The following UTP11 variants were observed in gnomAD, a reference collection of about 807,000 sequenced individuals.
UTP11 encodes probable U3 small nucleolar RNA-associated protein 11.
Under a neutral mutation model 39.0 loss-of-function variants are expected in UTP11, and 29 were observed. That is an observed-to-expected ratio of 0.74 (90% CI 0.55 to 1.01). The LOEUF is 1.01. UTP11 is among the 50% of genes least tolerant of loss of function. The pLI, the probability that UTP11 is intolerant of heterozygous loss-of-function variation, is 0.00. For missense variants in UTP11, 281 were observed against 306.0 expected (o/e 0.92, Z 0.61); for synonymous variants, 111 against 105.0 (o/e 1.06, Z -0.35).
chr1:38,023,101 G>A (rs1402306517), intron 7 of UTP11, among the ~76,000 whole-genome samples: 1 of 152,168 alleles, frequency 6.6e-6, no homozygotes, highest in Non-Finnish European at 1.5e-5. Flanking sequence ...ATTTAAACAG[G>A]TTAACAAAAC....
At chr1:38,018,955 G>C in intron 4 of UTP11, 104 bp from the exon 5 acceptor site, 1 of 969,090 alleles carries the variant, frequency 1.0e-6, no homozygotes, top group Non-Finnish European at 1.5e-6. Context: ...TTCTTTGCTG[G>C]CTGGCAATAA....
intron 7 of UTP11, 38 bp downstream of exon 7, chr1:38,022,847 T>TTTC: frequency 7.8e-7 from 1 of 1,281,180 alleles, no homozygotes; most frequent in Non-Finnish European, 1.1e-6. Context: ...TTTTTTTTTT[T>TTTC]CCCCCTTTTC....
intron 2 of UTP11, 117 bp downstream of exon 2, chr1:38,016,537 C>A: frequency 1.9e-6 from 2 of 1,045,994 alleles, no homozygotes; most frequent in Non-Finnish European, 2.9e-6. Context: ...ATAAAATGGC[C>A]AAAGCTCTGG....
intron 1 of UTP11, 134 bp downstream of exon 1, chr1:38,012,999 C>T (rs2148735855): frequency 1.8e-6 from 2 of 1,097,830 alleles, no homozygotes; most frequent in Admixed American, 2.3e-5. Context: ...GTTAATGACG[C>T]TGGCGTGGCT....
At chr1:38,013,076 C>A (rs1176813779) in intron 1 of UTP11, among the ~76,000 whole-genome samples, 1 of 152,308 alleles carries the variant, frequency 6.6e-6, no homozygotes, top group Non-Finnish European at 1.5e-5. Context: ...AGCAGGGGTG[C>A]CCCCCTTTCC....
At chr1:38,019,419 G>C in intron 6 of UTP11, 36 bp downstream of exon 6, 2 of 1,473,230 alleles carry the variant, frequency 1.4e-6, no homozygotes, top group South Asian at 3.1e-5. Context: ...TGTGAGCTTA[G>C]GGGAATCTAG....
chr1:38,016,338 G>C (rs1022614895), intron 1 of UTP11, 21 bp from the exon 2 acceptor site: 3 of 1,613,780 alleles, frequency 1.9e-6, no homozygotes, highest in Non-Finnish European at 2.5e-6. Context: ...AAGCACTGTT[G>C]TTCTTTCTTT....
chr1:38,022,090 CCTTCTGTTGCCGACT>C (rs935840507), intron 6 of UTP11, among the ~76,000 whole-genome samples: 10 of 152,222 alleles, frequency 6.6e-5, no homozygotes, highest in African/African-American at 2.2e-4. Flanking sequence ...GCCTGGGGAC[CCTTCTGTTGCCGACT>C]CTTCTGTTGC....
intron 6 of UTP11, among the ~76,000 whole-genome samples, chr1:38,019,619 G>C (rs1283162596): frequency 6.6e-6 from 1 of 152,038 alleles, no homozygotes; most frequent in East Asian, 1.9e-4. Context: ...CAGTAACTGG[G>C]ACTATAGGGG....
rs139359883 is a variant in UTP11, at chr1:38,021,109, G to C, written c.568-1590G>C. Among the ~76,000 whole-genome samples, 847 of 152,192 alleles carry C rather than the reference G, an allele frequency of 5.6e-3. 8 individuals are homozygous for C. The highest frequency in any genetic ancestry group is 0.02 in the African/African-American group (818 of 41,518). On this transcript the variant is annotated intron_variant, in intron 6 of 7. Transcript: ENST00000373014. ...GCTAATTTTTTGTATATTTAGTAGA[G>C]ACAGGGTTTCACCATTTTGGCTAGG... is the stretch of plus-strand genomic sequence containing the variant.
Position 38,022,729 on chromosome 1 carries a change from A to G in UTP11, c.598A>G (p.Asn200Asp), listed in dbSNP as rs780416204. ...RIAKERQKQY[N>D]CLTQRIEREK... Reference sequence around the variant, plus strand: ...AGCTAAAGAAAGGCAAAAGCAGTATAACTGCCTGACACAGCGGATTGAACG... The same window carrying G: ...AGCTAAAGAAAGGCAAAAGCAGTATGACTGCCTGACACAGCGGATTGAACG... The change falls in exon 7 of 8, where the codon AAC becomes GAC. Residue 200 changes from asparagine (N) to aspartate (D), a missense_variant. Asn to Asp is a conservative substitution (Grantham distance 23). Transcript: ENST00000373014. 7 of 1,614,082 alleles carry G rather than the reference A, an allele frequency of 4.3e-6. No individual in the cohort carries two copies. In the South Asian group the frequency reaches 7.7e-5, roughly 18 times the overall value.
chr1:38,012,961 T>C (rs1028261185), intron 1 of UTP11, 96 bp downstream of exon 1: 15 of 1,467,114 alleles, frequency 1.0e-5, no homozygotes, highest in Non-Finnish European at 1.4e-5. Flanking sequence ...GTCCAAACTG[T>C]ATAGTATATA....
At position 38,023,893 on chromosome 1, in the gene UTP11, C is replaced by T; in HGVS notation, c.*265C>T. On this transcript the variant is annotated 3_prime_UTR_variant, in exon 8 of 8. Transcript: ENST00000373014. ...GGTCTTTGTTGCCAGGCTGGAAGTG[C>T]AGTGTGTGATTATGGCTCACTGCAA... 3.9e-6 allele frequency: 1 copy of T among 259,512 alleles called. No individual in the cohort carries two copies. Among genetic ancestry groups the T allele is most frequent in the Non-Finnish European group, 7.3e-6 (1 of 137,746 alleles). 16.1% of individuals were successfully genotyped at this position (259,512 alleles called of 1,614,324 possible).
rs750257177 is a variant in UTP11, at chr1:38,023,675, G to A, written c.*47G>A. ...CATTCTGTATCAAAAATCTGTTGTC[G>A]TTTTCTAGTAACTTCAAATTCCATT... On this transcript the variant is annotated 3_prime_UTR_variant, in exon 8 of 8. Coordinates refer to ENST00000373014, the MANE Select transcript of UTP11 (RefSeq NM_016037.4). 1.4e-5 allele frequency: 22 copies of A among 1,534,988 alleles called. No individual in the cohort carries two copies. In the East Asian group the frequency reaches 2.6e-4, roughly 18 times the overall value.
intron 6 of UTP11, among the ~76,000 whole-genome samples, chr1:38,022,418 G>A (rs1353905924): frequency 6.6e-6 from 1 of 151,362 alleles, no homozygotes; most frequent in Admixed American, 6.6e-5. Flanking sequence ...TGTTGCCTAC[G>A]TTGGTCTGGA....
Position 38,012,826 on chromosome 1 carries a change from G to T in UTP11, c.24G>T (p.Ala8=), listed in dbSNP as rs937728075. The change falls in exon 1 of 8, where the codon GCG becomes GCT. Residue 8 remains alanine, a synonymous_variant. Coordinates refer to ENST00000373014, the MANE Select transcript of UTP11 (RefSeq NM_016037.4). ...ACATGGCGGCGGCTTTTCGGAAGGC[G>T]GCTAAGTCCCGGCAGCGGGAACACA... MAAAFRK[A]AKSRQREHRE... 1 of 1,614,200 alleles carries T rather than the reference G, an allele frequency of 6.2e-7. No homozygotes were observed. The highest frequency in any genetic ancestry group is 8.5e-7 in the Non-Finnish European group (1 of 1,180,050).
intron 6 of UTP11, 53 bp from the exon 7 acceptor site, chr1:38,022,646 C>T: frequency 8.1e-7 from 1 of 1,240,530 alleles, no homozygotes; most frequent in East Asian, 2.4e-5. Flanking sequence ...CAGTTTCTTA[C>T]TCATTTTTGT....
chr1:38,023,886 G>A lies in UTP11; in HGVS notation c.*258G>A, dbSNP rs1036438211. 1 of 269,506 alleles carries A rather than the reference G, an allele frequency of 3.7e-6. No individual in the cohort carries two copies. The highest frequency in any genetic ancestry group is 7.1e-5 in the South Asian group (1 of 14,062). The allele number at this position is 269,506 out of a possible 1,614,324, so 16.7% of individuals were successfully genotyped here. On this transcript the variant is annotated 3_prime_UTR_variant, in exon 8 of 8. Transcript: ENST00000373014. ...GAGATAGGGTCTTTGTTGCCAGGCT[G>A]GAAGTGCAGTGTGTGATTATGGCTC...
At position 38,017,745 on chromosome 1, in the gene UTP11, A is replaced by G. The variant is rs1646714429; in HGVS notation, c.203A>G (p.Tyr68Cys). The change falls in exon 3 of 8, where the codon TAC (tyrosine) becomes TGC (cysteine). Residue 68 changes from tyrosine to cysteine, a missense_variant. Tyr to Cys is a radical substitution (Grantham distance 194). Coordinates refer to ENST00000373014, the MANE Select transcript of UTP11 (RefSeq NM_016037.4). ...ALEKNPDEFYYKMTRVKLQDG... is the reference protein window; with the variant it reads ...ALEKNPDEFYCKMTRVKLQDG... The stretch of plus-strand genomic sequence containing the variant: ...GAAAAAAATCCAGATGAATTCTACT[A>G]CAAAATGACTCGGGTTAAACTCCAG... 3.1e-6 allele frequency: 5 copies of G among 1,612,512 alleles called. No individual in the cohort carries two copies. Among genetic ancestry groups the G allele is most frequent in the Non-Finnish European group, 4.2e-6 (5 of 1,179,410 alleles).
Sources: allele counts gnomAD v4.1 joint callset (sites outside exome capture counted in the v4.1 genomes callset), GRCh38; gene constraint gnomAD v4.1.1; transcripts MANE v1.5; gene names NCBI Gene and HGNC (gene_info 2026-07-23, HGNC 2026-07-21).